Variants in KIF13A observed in about 807,000 individuals in gnomAD.
The protein encoded by KIF13A is kinesin family member 13A.
A neutral mutation model predicts 212.2 loss-of-function variants in KIF13A; 79 were observed. That is an observed-to-expected ratio of 0.37 (90% CI 0.31 to 0.45). The LOEUF is 0.45. KIF13A is among the 20% of genes least tolerant of loss of function. The pLI, the probability that KIF13A is intolerant of heterozygous loss-of-function variation, is 1.00. For missense variants in KIF13A, 1,901 were observed against 2,209.0 expected (o/e 0.86, Z 2.79); for synonymous variants, 789 against 808.6 (o/e 0.98, Z 0.41).
intron 20 of KIF13A, among the ~76,000 whole-genome samples, chr6:17,801,704 C>T (rs1581345043): frequency 6.6e-6 from 1 of 152,112 alleles, no homozygotes; most frequent in South Asian, 2.1e-4. Context: ...CCCGGGCTCG[C>T]GCAGCTTTTA....
rs965947599 is a variant in KIF13A at position 17,883,743 on chromosome 6, T to C, written c.160-10306A>G. Reference sequence around the variant, plus strand: ...TGGGTATATTGAACACAGTGAGATGTCTAGGGAAAAGAAGAAGGAAGGGGA... The same window carrying C: ...TGGGTATATTGAACACAGTGAGATGCCTAGGGAAAAGAAGAAGGAAGGGGA... On this transcript the variant is annotated intron_variant, in intron 3 of 38. Coordinates refer to ENST00000259711, the MANE Select transcript of KIF13A (RefSeq NM_022113.6). This position sits in a 1 kb window ranked among gnomAD's most constrained non-coding sequence, Gnocchi z 4.8. Among the ~76,000 whole-genome samples the C allele has an allele frequency of 6.6e-6, 1 of 152,070 alleles. No homozygotes were observed. The highest frequency in any genetic ancestry group is 2.4e-5 in the African/African-American group (1 of 41,376).
intron 38 of KIF13A, among the ~76,000 whole-genome samples, chr6:17,766,219 G>GATAGATTTATTT (rs1554158979): frequency 6.9e-6 from 1 of 144,656 alleles, no homozygotes; most frequent in Admixed American, 6.9e-5. Flanking sequence ...TTATTTTTAA[G>GATAGATTTATTT]ATTTATTTAT....
At chr6:17,831,035 C>G in intron 13 of KIF13A, 66 bp downstream of exon 13, 1 of 1,468,942 alleles carries the variant, frequency 6.8e-7, no homozygotes, top group African/African-American at 1.4e-5. Context: ...AGACAGGCAC[C>G]CAGATTCAAC....
At chr6:17,804,116 C>T (rs1762724589) in intron 20 of KIF13A, among the ~76,000 whole-genome samples, 1 of 151,648 alleles carries the variant, frequency 6.6e-6, no homozygotes, top group South Asian at 2.1e-4. Flanking sequence ...CGCGCCACTG[C>T]ACTCCAGCCT....
chr6:17,933,380 G>A (rs1410692631), intron 2 of KIF13A, among the ~76,000 whole-genome samples: 1 of 150,922 alleles, frequency 6.6e-6, no homozygotes, highest in East Asian at 2.0e-4. Flanking sequence ...CCAAGTAGCT[G>A]GCACGCACCA....
intron 2 of KIF13A, among the ~76,000 whole-genome samples, chr6:17,962,522 A>G (rs773067595): frequency 1.3e-5 from 2 of 151,758 alleles, no homozygotes; most frequent in Non-Finnish European, 2.9e-5. Flanking sequence ...CACAGCCAGG[A>G]AGAGGCAGCA....
chr6:17,966,792 T>C (rs541761053), intron 2 of KIF13A, among the ~76,000 whole-genome samples: 59 of 152,202 alleles, frequency 3.9e-4, no homozygotes, highest in South Asian at 1.9e-3. Context: ...CGAACAATAA[T>C]AACACACACT....
intron 4 of KIF13A, among the ~76,000 whole-genome samples, chr6:17,859,620 T>TTATATA (rs1355192834): frequency 7.6e-6 from 1 of 131,556 alleles, no homozygotes; most frequent in Non-Finnish European, 1.6e-5. Flanking sequence ...GCAATGTATT[T>TTATATA]TATATATATA....
At chr6:17,862,633 A>G (rs555718271) in intron 4 of KIF13A, among the ~76,000 whole-genome samples, 1 of 152,124 alleles carries the variant, frequency 6.6e-6, no homozygotes, top group African/African-American at 2.4e-5. Flanking sequence ...TGAGACCCCT[A>G]TCTCTACAAA....
At position 17,834,071 on chromosome 6, in the gene KIF13A, C is replaced by A; in HGVS notation, c.1156G>T (p.Ala386Ser). The A allele has an allele frequency of 1.3e-6, 2 of 1,573,128 alleles. No homozygotes were observed. The highest frequency in any genetic ancestry group is 1.7e-6 in the Non-Finnish European group (2 of 1,167,146). The change falls in exon 12 of 39, where the codon GCC becomes TCC. Residue 386 changes from alanine (A) to serine (S), a missense_variant and splice_region_variant. This residue lies in a region of KIF13A where 506 missense variants were observed against 637.4 expected (regional missense o/e 0.79). Coordinates refer to ENST00000259711, the MANE Select transcript of KIF13A (RefSeq NM_022113.6). The surrounding 1 kb of genome is among the most constrained non-coding windows in gnomAD (Gnocchi z 4.0). Reference protein sequence around the residue: ...KLREQLSQAEAMKAPELKEKL... With the variant: ...KLREQLSQAESMKAPELKEKL... ...TCCTTCAGTTCAGGGGCCTTCATGGCCTTTAAAATGAAATCAGAGATATCT... is the reference window on the plus strand; with the variant it reads ...TCCTTCAGTTCAGGGGCCTTCATGGACTTTAAAATGAAATCAGAGATATCT...
rs1268230848 is a variant in KIF13A, at chr6:17,899,256, CTGA to C, written c.147-1079_147-1077del. Among the ~76,000 whole-genome samples the C allele has an allele frequency of 6.6e-6, 1 of 152,072 alleles. No individual in the cohort carries two copies. The highest frequency in any genetic ancestry group is 1.5e-5 in the Non-Finnish European group (1 of 68,038). On this transcript the variant is annotated intron_variant, in intron 2 of 38. Transcript: ENST00000259711. This position sits in a 1 kb window ranked among gnomAD's most constrained non-coding sequence, Gnocchi z 5.2. ...AATCTTATGACAGTTCTTGGCCTTC[CTGA>C]TAGTTACTCTTGATCAACCTCTGAT... is the stretch of plus-strand genomic sequence containing the variant.
intron 2 of KIF13A, among the ~76,000 whole-genome samples, chr6:17,964,815 G>A (rs1354003777): frequency 6.6e-6 from 1 of 150,398 alleles, no homozygotes; most frequent in Non-Finnish European, 1.5e-5. Flanking sequence ...TGAAAGTTTT[G>A]TGGTTTTCTT....
At chr6:17,767,035 T>C (rs921666204) in intron 38 of KIF13A, among the ~76,000 whole-genome samples, 9 of 152,232 alleles carry the variant, frequency 5.9e-5, no homozygotes, top group Non-Finnish European at 1.0e-4. Flanking sequence ...ATAAAGTTCC[T>C]GAAATTGGCA....
rs1429477405 is a variant in KIF13A, at chr6:17,897,607, T to C, written c.159+561A>G. On this transcript the variant is annotated intron_variant, in intron 3 of 38. Coordinates refer to ENST00000259711, the MANE Select transcript of KIF13A (RefSeq NM_022113.6). The surrounding 1 kb of genome is among the most constrained non-coding windows in gnomAD (Gnocchi z 4.8). ...TGGGGAAAAAACTAACTAGTGGCCA[T>C]TGTGATGGGCTAGGAACTCCAATGA... Among the ~76,000 whole-genome samples, 3 of 152,192 alleles carry C rather than the reference T, an allele frequency of 2.0e-5. No homozygotes were observed. The highest frequency in any genetic ancestry group is 4.4e-5 in the Non-Finnish European group (3 of 68,034).
chr6:17,922,125 A>G (rs887450099), intron 2 of KIF13A, among the ~76,000 whole-genome samples: 5 of 152,200 alleles, frequency 3.3e-5, no homozygotes, highest in African/African-American at 1.2e-4. Flanking sequence ...GGGCTCATCG[A>G]CAAGATCCTG....
At position 17,785,884 on chromosome 6, in the gene KIF13A, T is replaced by TAA. The variant is rs371685772; in HGVS notation, c.3362-245_3362-244dup. Among the ~76,000 whole-genome samples the TAA allele has an allele frequency of 8.9e-4, 136 of 152,214 alleles. No homozygotes were observed. The highest frequency in any genetic ancestry group is 3.0e-3 in the African/African-American group (125 of 41,538). On this transcript the variant is annotated intron_variant, in intron 27 of 38. Transcript: ENST00000259711. This position sits in a 1 kb window ranked among gnomAD's most constrained non-coding sequence, Gnocchi z 5.8. ...GTGAGCTATCATCACATTACTGTAC[T>TAA]AAAGCCTGGGCAACAGACAAGAGAC...
intron 2 of KIF13A, among the ~76,000 whole-genome samples, chr6:17,920,119 T>C (rs1397951364): frequency 6.6e-6 from 1 of 152,188 alleles, no homozygotes; most frequent in Non-Finnish European, 1.5e-5. Flanking sequence ...CAGTCTCTAT[T>C]ACATGGTCCA....
At chr6:17,948,557 CTTTTT>C (rs71002289) in intron 2 of KIF13A, among the ~76,000 whole-genome samples, 115 of 84,138 alleles carry the variant, frequency 1.4e-3, no homozygotes, top group African/African-American at 5.3e-3. Context: ...CATCCATTTA[CTTTTT>C]TTTTTTTTTT....
intron 3 of KIF13A, chr6:17,881,387 C>A: frequency 2.5e-6 from 1 of 397,702 alleles, no homozygotes; most frequent in Non-Finnish European, 4.8e-6. Flanking sequence ...CAGTTAAACT[C>A]CACTTTTACT....
Sources: allele counts gnomAD v4.1 joint callset (sites outside exome capture counted in the v4.1 genomes callset), GRCh38; gene constraint gnomAD v4.1.1; regional missense constraint gnomAD v4.1.1; non-coding constraint Gnocchi (gnomAD v3.1); transcripts MANE v1.5; gene names NCBI Gene and HGNC (gene_info 2026-07-23, HGNC 2026-07-21).